Variants in MGAT4A observed in about 807,000 individuals in gnomAD.
The protein encoded by MGAT4A is N-acetylglucosaminyltransferase IVa.
Under a neutral mutation model 74.1 loss-of-function variants are expected in MGAT4A, and 33 were observed. That is an observed-to-expected ratio of 0.45 (90% CI 0.34 to 0.60). The LOEUF (loss-of-function observed/expected upper bound fraction) is 0.60, where lower values mean the gene tolerates loss of function less well. Ranked by LOEUF, MGAT4A falls within the 20% of genes least tolerant of loss-of-function variation. The pLI, the probability that MGAT4A is intolerant of heterozygous loss-of-function variation, is 0.02. For synonymous variants in MGAT4A, 198 were observed against 210.4 expected, an observed-to-expected ratio of 0.94 and a Z score of 0.51; for missense variants, 479 against 628.3, an observed-to-expected ratio of 0.76 and a Z score of 2.54.
chr2:98,667,097 G>T (rs184209563), intron 4 of MGAT4A, among the ~76,000 whole-genome samples: 1,506 of 121,522 alleles, frequency 0.012, 4 homozygotes, highest in African/African-American at 0.02. Flanking sequence ...GCACAAGCTT[G>T]CTCTCTGCCT....
intron 14 of MGAT4A, among the ~76,000 whole-genome samples, chr2:98,632,942 T>C (rs955084000): frequency 3.9e-5 from 6 of 152,216 alleles, no homozygotes; most frequent in African/African-American, 1.4e-4. Flanking sequence ...GTATTTTTAC[T>C]AGAGATAGGG....
At chr2:98,710,362 A>G (rs1702498583) in intron 2 of MGAT4A, among the ~76,000 whole-genome samples, 2 of 152,264 alleles carry the variant, frequency 1.3e-5, no homozygotes, top group African/African-American at 4.8e-5. Flanking sequence ...AATTATATTT[A>G]GTGGATATAC....
At chr2:98,643,223 T>A (rs1356832929) in intron 10 of MGAT4A, among the ~76,000 whole-genome samples, 1 of 152,204 alleles carries the variant, frequency 6.6e-6, no homozygotes, top group Non-Finnish European at 1.5e-5. Context: ...TGGGTCTTGA[T>A]ATGTTGCCCA....
chr2:98,678,249 AATAT>A (rs1553538281), intron 3 of MGAT4A, 51 bp downstream of exon 3: 4 of 263,880 alleles, frequency 1.5e-5, no homozygotes, highest in African/African-American at 8.6e-5. Context: ...AAAAAAAAAA[AATAT>A]ATATATATAT....
chr2:98,634,586 C>T (rs1701289514), intron 14 of MGAT4A, among the ~76,000 whole-genome samples: 1 of 151,482 alleles, frequency 6.6e-6, no homozygotes, highest in East Asian at 1.9e-4. Context: ...AGATGCAGTC[C>T]CTCCCCTGGC....
chr2:98,731,082 G>A lies in MGAT4A; in HGVS notation c.-270C>T, dbSNP rs1374305502. 7.8e-6 allele frequency: 1 copy of A among 128,694 alleles called. No homozygotes were observed. Among genetic ancestry groups the A allele is most frequent in the Admixed American group, 7.8e-5 (1 of 12,742 alleles). 8.0% of individuals were successfully genotyped at this position (128,694 alleles called of 1,614,324 possible). ...GCGTCGCCGTGCTCCCGCGGCTGCC[G>A]GCGGAGCTGCTGTAGCCGCCGCCGC... On this transcript the variant is annotated 5_prime_UTR_variant, in exon 1 of 16. Transcript: ENST00000393487. This position sits in a 1 kb window ranked among gnomAD's most constrained non-coding sequence, Gnocchi z 4.8.
chr2:98,715,317 C>CAAAAA (rs201860893), intron 2 of MGAT4A, among the ~76,000 whole-genome samples: 466 of 61,374 alleles, frequency 7.6e-3, no homozygotes, highest in Middle Eastern at 0.02. Flanking sequence ...GACTTCATCT[C>CAAAAA]AAAAAAAAAA....
chr2:98,655,540 AAAGT>A lies in MGAT4A; in HGVS notation c.699-24_699-21del, dbSNP rs1481524108. On this transcript the variant is annotated intron_variant, in intron 7 of 15. Transcript: ENST00000393487. Reference sequence around the variant, plus strand: ...CTCCATCTGAAATAAACATTTTCAAAAAGTAAGTTAGGAATCAGACTCAAATTTA... The same window carrying A: ...CTCCATCTGAAATAAACATTTTCAAAAAGTTAGGAATCAGACTCAAATTTA... 5.2e-6 allele frequency: 8 copies of A among 1,550,172 alleles called. No homozygotes were observed. The highest frequency in any genetic ancestry group is 7.1e-6 in the Non-Finnish European group (8 of 1,130,222).
In MGAT4A at chr2:98,635,147, A is replaced by G. The variant is rs1234394925; in HGVS notation, c.1468+75T>C. On this transcript the variant is annotated intron_variant, in intron 14 of 15. Transcript: ENST00000393487. ...AATTGTAATCCTCAAGTTGCTTAAC[A>G]TCTGAAAAGAACTGAAAAGTACTTT... The G allele has an allele frequency of 2.7e-6, 3 of 1,129,490 alleles. No homozygotes were observed. The African/African-American group carries it at 4.7e-5, about 18-fold the overall frequency. The allele number at this position is 1,129,490 out of a possible 1,614,324, so 70.0% of individuals were successfully genotyped here.
chr2:98,648,616 G>A (rs949014367), intron 8 of MGAT4A, among the ~76,000 whole-genome samples: 10 of 151,996 alleles, frequency 6.6e-5, no homozygotes, highest in African/African-American at 2.4e-4. Flanking sequence ...CCGCACAGGA[G>A]GCTGAGGTGG....
chr2:98,721,130 T>A (rs1246016446), intron 2 of MGAT4A, among the ~76,000 whole-genome samples: 2 of 152,192 alleles, frequency 1.3e-5, no homozygotes, highest in Non-Finnish European at 2.9e-5. Flanking sequence ...GGCAATGCAA[T>A]CACACAGTGT....
intron 8 of MGAT4A, among the ~76,000 whole-genome samples, chr2:98,649,513 C>T (rs1020438175): frequency 6.6e-6 from 1 of 152,124 alleles, no homozygotes; most frequent in Non-Finnish European, 1.5e-5. Context: ...ATTTCTGTCT[C>T]ATCTAAATCA....
chr2:98,722,190 C>T (rs756040883), intron 2 of MGAT4A, among the ~76,000 whole-genome samples: 1 of 152,180 alleles, frequency 6.6e-6, no homozygotes, highest in Non-Finnish European at 1.5e-5. Context: ...CACACAGAAA[C>T]ATGTACCTGA....
At chr2:98,711,061 G>GA (rs1215813928) in intron 2 of MGAT4A, among the ~76,000 whole-genome samples, 3 of 151,910 alleles carry the variant, frequency 2.0e-5, no homozygotes, top group East Asian at 1.9e-4. Context: ...CTGAGAAGAA[G>GA]AAAAAAACTC....
chr2:98,699,149 G>A (rs1024947817), intron 2 of MGAT4A, among the ~76,000 whole-genome samples: 11 of 152,106 alleles, frequency 7.2e-5, no homozygotes, highest in African/African-American at 1.4e-4. Flanking sequence ...CCACAGTAGC[G>A]AGTGCTGACA....
At chr2:98,716,910 A>T (rs1702600882) in intron 2 of MGAT4A, among the ~76,000 whole-genome samples, 1 of 152,232 alleles carries the variant, frequency 6.6e-6, no homozygotes, top group Non-Finnish European at 1.5e-5. Flanking sequence ...TGACCAAAAA[A>T]AACCAGTTTG....
chr2:98,663,371 T>G, intron 4 of MGAT4A, 192 bp from the exon 5 acceptor site: 1 of 1,523,476 alleles, frequency 6.6e-7, no homozygotes, highest in Non-Finnish European at 8.8e-7. Flanking sequence ...TTCACATGGC[T>G]TAACCATAAG....
At chr2:98,703,591 G>A (rs1462345305) in intron 2 of MGAT4A, among the ~76,000 whole-genome samples, 3 of 152,100 alleles carry the variant, frequency 2.0e-5, no homozygotes. Context: ...TCAGACTGTG[G>A]TACACCCTCG....
In MGAT4A at chr2:98,622,400, ATTT is replaced by A; in HGVS notation, c.*3163_*3165del. The A allele has an allele frequency of 3.0e-6, 3 of 985,458 alleles. No homozygotes were observed. Among genetic ancestry groups the A allele is most frequent in the Non-Finnish European group, 3.6e-6 (3 of 829,936 alleles). 61.0% of individuals were successfully genotyped at this position (985,458 alleles called of 1,614,324 possible). On this transcript the variant is annotated 3_prime_UTR_variant, in exon 16 of 16. Coordinates refer to ENST00000393487, the MANE Select transcript of MGAT4A (RefSeq NM_012214.3). Reference sequence around the variant, plus strand: ...CAGAACCGGGTAAAAAAATGTTTTTATTTAAACAGCCCCCATGTGTCTACTGGC... The same window carrying A: ...CAGAACCGGGTAAAAAAATGTTTTTAAAACAGCCCCCATGTGTCTACTGGC...
Sources: gnomAD v4.1 joint callset for allele counts (sites outside exome capture counted in the v4.1 genomes callset) on GRCh38, gnomAD v4.1.1 for gene constraint, Gnocchi (gnomAD v3.1) non-coding constraint, MANE v1.5 for transcripts, NCBI Gene and HGNC (gene_info 2026-07-23, HGNC 2026-07-21) for gene names.